Variants in ACVR1 observed in about 807,000 individuals in gnomAD.
ACVR1 encodes the protein activin receptor type-1.
In ACVR1, 38 loss-of-function variants were observed where a neutral mutation model predicts 57.1. The ratio of observed to expected loss-of-function variants is 0.67; its 90% confidence interval spans 0.51 to 0.87. ACVR1 has a LOEUF of 0.87. ACVR1 is among the 40% of genes least tolerant of loss of function. The probability of loss-of-function intolerance (pLI) is 0.00; values close to 1 mark genes in which losing one functional copy is unlikely to be tolerated. For synonymous variants in ACVR1, 212 were observed against 228.1 expected (o/e 0.93, Z 0.63); for missense variants, 463 against 638.2 (o/e 0.73, Z 2.96).
intron 7 of ACVR1, among the ~76,000 whole-genome samples, chr2:157,769,600 G>T (rs1320253841): frequency 6.6e-6 from 1 of 152,120 alleles, no homozygotes. Flanking sequence ...ATAAATTTTG[G>T]CAATGGCCTT....
At chr2:157,762,177 C>T (rs1386352705) in intron 8 of ACVR1, among the ~76,000 whole-genome samples, 1 of 152,160 alleles carries the variant, frequency 6.6e-6, no homozygotes, top group African/African-American at 2.4e-5. Flanking sequence ...GCAATAGTCC[C>T]CCCACTTATC....
chr2:157,838,304 A>G (rs1270226205), intron 1 of ACVR1: 2 of 152,164 alleles, frequency 1.3e-5, no homozygotes, highest in African/African-American at 2.4e-5. Context: ...TTCCCGCTGC[A>G]TTGCTTTAAA....
intron 9 of ACVR1, among the ~76,000 whole-genome samples, chr2:157,745,049 A>G (rs533580697): frequency 1.3e-5 from 2 of 152,374 alleles, no homozygotes; most frequent in East Asian, 3.9e-4. Flanking sequence ...TACATTACTC[A>G]AAGTCCAAAC....
intron 2 of ACVR1, among the ~76,000 whole-genome samples, chr2:157,800,247 G>A (rs916020120): frequency 1.1e-4 from 16 of 152,192 alleles, no homozygotes; most frequent in African/African-American, 3.9e-4. Flanking sequence ...TTTAATGATA[G>A]GTTAGTGTGC....
intron 1 of ACVR1, among the ~76,000 whole-genome samples, chr2:157,841,114 G>T (rs1688957376): frequency 6.6e-6 from 1 of 152,142 alleles, no homozygotes. Context: ...TCAATGCCCT[G>T]GCCACTCTCC....
chr2:157,743,575 G>T (rs112913497), intron 9 of ACVR1, among the ~76,000 whole-genome samples: 12 of 151,524 alleles, frequency 7.9e-5, no homozygotes, highest in African/African-American at 2.9e-4. Context: ...GCCAAATTTG[G>T]AACTTTTTAC....
chr2:157,819,735 G>A (rs1280645760), intron 1 of ACVR1, among the ~76,000 whole-genome samples: 3 of 142,590 alleles, frequency 2.1e-5, no homozygotes, highest in South Asian at 2.1e-4. Context: ...AAGCGGAAGG[G>A]AAGAGGAGGG....
At position 157,778,119 on chromosome 2, in the gene ACVR1, G is replaced by T; in HGVS notation, c.543+12C>A. 6.2e-7 allele frequency: 1 copy of T among 1,613,036 alleles called. No homozygotes were observed. The highest frequency in any genetic ancestry group is 8.5e-7 in the Non-Finnish European group (1 of 1,179,528). ...CCTTATGCTTGGGATTTCCTGTGGG[G>T]TCATGACTTACTGCTAAAGTGCTGT... On this transcript the variant is annotated intron_variant, in intron 5 of 10. Transcript: ENST00000434821.
intron 3 of ACVR1, among the ~76,000 whole-genome samples, chr2:157,795,166 G>A (rs1375026952): frequency 2.6e-5 from 4 of 152,032 alleles, no homozygotes; most frequent in Non-Finnish European, 2.9e-5. Context: ...AAACGCAGTC[G>A]TCTAAAGCTT....
intron 10 of ACVR1, 22 bp from the exon 11 acceptor site, chr2:157,737,687 A>C (rs1684587898): frequency 6.2e-7 from 1 of 1,613,918 alleles, no homozygotes; most frequent in Non-Finnish European, 8.5e-7. Context: ...AAGAACAAAC[A>C]CCACAATGAC....
intron 1 of ACVR1, among the ~76,000 whole-genome samples, chr2:157,825,573 T>C (rs1180952596): frequency 6.6e-6 from 1 of 152,184 alleles, no homozygotes; most frequent in Non-Finnish European, 1.5e-5. Flanking sequence ...GCGAACCCTA[T>C]TGTGAACTGC....
intron 1 of ACVR1, among the ~76,000 whole-genome samples, chr2:157,832,303 A>C (rs2105345769): frequency 6.6e-6 from 1 of 152,346 alleles, no homozygotes; most frequent in East Asian, 1.9e-4. Context: ...ATTAAAATGA[A>C]ATTAAATAAT....
chr2:157,836,593 G>C (rs1015239253), intron 1 of ACVR1, among the ~76,000 whole-genome samples: 13 of 152,128 alleles, frequency 8.5e-5, no homozygotes, highest in Non-Finnish European at 1.8e-4. Context: ...TCTCCTCCAG[G>C]GTGCTTGGAT....
At chr2:157,851,804 C>T (rs1689311916) in intron 1 of ACVR1, among the ~76,000 whole-genome samples, 2 of 151,044 alleles carry the variant, frequency 1.3e-5, no homozygotes, top group African/African-American at 4.9e-5. Context: ...TAACTCTTCC[C>T]AATCTTGTGA....
At chr2:157,742,889 C>A (rs542301026) in intron 9 of ACVR1, among the ~76,000 whole-genome samples, 1 of 152,256 alleles carries the variant, frequency 6.6e-6, no homozygotes, top group Non-Finnish European at 1.5e-5. Flanking sequence ...CCTCCCCTGC[C>A]AACCTCCACC....
At chr2:157,796,940 C>A (rs866740346) in intron 3 of ACVR1, among the ~76,000 whole-genome samples, 1 of 152,174 alleles carries the variant, frequency 6.6e-6, no homozygotes, top group African/African-American at 2.4e-5. Context: ...ATATCTTTAA[C>A]AACACTGCTT....
At chr2:157,812,632 C>T in intron 2 of ACVR1, among the ~76,000 whole-genome samples, 1 of 152,144 alleles carries the variant, frequency 6.6e-6, no homozygotes, top group Admixed American at 6.5e-5. Context: ...TACACATACA[C>T]TAAGCAAGTA....
rs540542249 is a variant in ACVR1 at position 157,858,257 on chromosome 2, C to T, written c.-183+17539G>A. ...TAGGAGCCTCTCTTCAGTGTTCCTC[C>T]TACCTCTCAGGCTGTTCCCAGACTC... On this transcript the variant is annotated intron_variant, in intron 1 of 10. Coordinates refer to ENST00000434821, the MANE Select transcript of ACVR1 (RefSeq NM_001111067.4). Among the ~76,000 whole-genome samples, 8 of 152,024 alleles carry T rather than the reference C, an allele frequency of 5.3e-5. No homozygotes were observed. In the East Asian group the frequency reaches 1.6e-3, roughly 30 times the overall value.
intron 7 of ACVR1, among the ~76,000 whole-genome samples, chr2:157,766,720 AAAT>A (rs1169385094): frequency 1.3e-5 from 2 of 152,236 alleles, no homozygotes; most frequent in East Asian, 3.8e-4. Flanking sequence ...CTGATTCACG[AAAT>A]AAAAAAAGAA....
Sources: gnomAD v4.1 joint callset for allele counts (sites outside exome capture counted in the v4.1 genomes callset) on GRCh38, gnomAD v4.1.1 for gene constraint, MANE v1.5 for transcripts, NCBI Gene and HGNC (gene_info 2026-07-23, HGNC 2026-07-21) for gene names.